The following PTGDR variants were observed in gnomAD, a reference collection of about 807,000 sequenced individuals.
PTGDR encodes the protein PGD2 receptor.
In PTGDR, 19 loss-of-function variants were observed where a neutral mutation model predicts 17.4. The ratio of observed to expected loss-of-function variants is 1.09; its 90% confidence interval spans 0.76 to 1.60. The LOEUF (loss-of-function observed/expected upper bound fraction) is 1.60, where lower values mean the gene tolerates loss of function less well. Among genes scored for constraint, PTGDR ranks in the 40% most tolerant of loss-of-function variants. PTGDR has a pLI of 0.00. For missense variants in PTGDR, 526 were observed against 481.9 expected, an observed-to-expected ratio of 1.09 and a Z score of -0.86; for synonymous variants, 267 against 224.2, an observed-to-expected ratio of 1.19 and a Z score of -1.71.
intron 1 of PTGDR, chr14:52,269,548 G>A: frequency 6.6e-7 from 1 of 1,524,362 alleles, no homozygotes; most frequent in Non-Finnish European, 8.8e-7. Context: ...CAAGGTACCT[G>A]TTCAACAAAA....
At position 52,268,519 on chromosome 14, in the gene PTGDR, C is replaced by T. The variant is rs762370741; in HGVS notation, c.705C>T (p.His235=). The T allele has an allele frequency of 1.6e-5, 25 of 1,611,676 alleles. No individual in the cohort carries two copies. The highest frequency in any genetic ancestry group is 1.9e-5 in the Non-Finnish European group (22 of 1,179,698). ...LYAMHRRLQR[H]PRSCTRDCAE... ...CGATGCACCGGCGGCTGCAGCGGCACCCGCGCTCCTGCACCAGGGACTGTG... is the reference window on the plus strand; with the variant it reads ...CGATGCACCGGCGGCTGCAGCGGCATCCGCGCTCCTGCACCAGGGACTGTG... Residue 235 remains histidine, a synonymous_variant, in exon 1 of 2, where the codon CAC becomes CAT. Transcript: ENST00000306051.
At chr14:52,271,645 T>G (rs1205398611) in intron 1 of PTGDR, among the ~76,000 whole-genome samples, 1 of 152,232 alleles carries the variant, frequency 6.6e-6, no homozygotes, top group Non-Finnish European at 1.5e-5. Flanking sequence ...AATTCACGTG[T>G]GTACCCTCAA....
rs779949167 is a variant in PTGDR, at chr14:52,275,857, G to A, written c.*893G>A. On this transcript the variant is annotated 3_prime_UTR_variant, in exon 2 of 2. Transcript: ENST00000306051. ...GACTCACTGTAGAGCCATGTTTACT[G>A]TTTGACTGTGTGGCACAGGGGGGCA... 1.3e-5 allele frequency: 2 copies of A among 152,578 alleles called. No individual in the cohort carries two copies. The highest frequency in any genetic ancestry group is 2.4e-5 in the African/African-American group (1 of 41,414). The allele number at this position is 152,578 out of a possible 1,614,324, so 9.5% of individuals were successfully genotyped here. A position where few individuals can be genotyped will look rare whatever the true frequency, so the allele number is the denominator to read the frequency against.
chr14:52,272,865 T>C (rs1431543244), intron 1 of PTGDR, among the ~76,000 whole-genome samples: 1 of 152,158 alleles, frequency 6.6e-6, no homozygotes, highest in Non-Finnish European at 1.5e-5. Context: ...TTAAATAGCT[T>C]GTACTTATCT....
At chr14:52,268,718 G>T in intron 1 of PTGDR, 58 bp downstream of exon 1, 1 of 1,498,924 alleles carries the variant, frequency 6.7e-7, no homozygotes, top group Non-Finnish European at 9.0e-7. Flanking sequence ...GCGGATGCGG[G>T]GCGGGAAGGG....
Position 52,274,856 on chromosome 14 carries a change from C to T in PTGDR, c.972C>T (p.Ile324=), listed in dbSNP as rs199684894. The change falls in exon 2 of 2, where the codon ATC becomes ATT. Residue 324 remains isoleucine (I), a synonymous_variant. Transcript: ENST00000306051. ...CAATTGTGGACCCTTGGATTTTTATCATTTTCAGATCTCCAGTATTTCGGA... is the reference window on the plus strand; with the variant it reads ...CAATTGTGGACCCTTGGATTTTTATTATTTTCAGATCTCCAGTATTTCGGA... ...VISIVDPWIF[I]IFRSPVFRIF... is the part of the protein sequence containing the mutation. 6.2e-7 allele frequency: 1 copy of T among 1,609,490 alleles called. No homozygotes were observed. The highest frequency in any genetic ancestry group is 8.5e-7 in the Non-Finnish European group (1 of 1,175,814).
intron 1 of PTGDR, chr14:52,269,623 G>C: frequency 2.6e-6 from 3 of 1,134,394 alleles, no homozygotes; most frequent in Non-Finnish European, 2.5e-6. Context: ...TCTGTGAATA[G>C]GAAAGTTGTT....
chr14:52,280,329 A>T (rs2033473638), downstream of PTGDR, among the ~76,000 whole-genome samples: 1 of 152,208 alleles, frequency 6.6e-6, no homozygotes, highest in Non-Finnish European at 1.5e-5. Context: ...GATGAAAAAG[A>T]TAAAGTACAA....
chr14:52,268,046 C>T lies in PTGDR; in HGVS notation c.232C>T (p.Leu78Phe). 1 of 1,612,262 alleles carries T rather than the reference C, an allele frequency of 6.2e-7. No homozygotes were observed. Among genetic ancestry groups the T allele is most frequent in the Non-Finnish European group, 8.5e-7 (1 of 1,180,040 alleles). Reference sequence around the variant, plus strand: ...GGTCACCGACTTGCTGGGCAAGTGCCTCCTAAGCCCGGTGGTGCTGGCTGC... The same window carrying T: ...GGTCACCGACTTGCTGGGCAAGTGCTTCCTAAGCCCGGTGGTGCTGGCTGC... ...LTVTDLLGKCLLSPVVLAAYA... is the reference protein window; with the variant it reads ...LTVTDLLGKCFLSPVVLAAYA... Residue 78 changes from leucine to phenylalanine, a missense_variant, in exon 1 of 2, where the codon CTC becomes TTC. By Grantham distance (22) the Leu-to-Phe change is conservative. Transcript: ENST00000306051.
rs200966868 is a variant in PTGDR at position 52,268,273 on chromosome 14, C to T, written c.459C>T (p.Ala153=). 6.2e-7 allele frequency: 1 copy of T among 1,613,992 alleles called. No homozygotes were observed. Among genetic ancestry groups the T allele is most frequent in the Non-Finnish European group, 8.5e-7 (1 of 1,180,040 alleles). ...HITLRLGALV[A]PVVSAFSLAF... ...CCCTGCGCCTGGGCGCACTGGTGGCCCCGGTGGTGAGCGCCTTCTCCCTGG... is the reference window on the plus strand; with the variant it reads ...CCCTGCGCCTGGGCGCACTGGTGGCTCCGGTGGTGAGCGCCTTCTCCCTGG... The change falls in exon 1 of 2, where the codon GCC becomes GCT. Residue 153 remains alanine (A), a synonymous_variant. Coordinates refer to ENST00000306051, the MANE Select transcript of PTGDR (RefSeq NM_000953.3).
At position 52,268,644 on chromosome 14, in the gene PTGDR, G is replaced by T. The variant is rs781353196; in HGVS notation, c.830G>T (p.Cys277Phe). ...LALMTVLFTM[C>F]SLPVIYRAYY... is the part of the protein sequence containing the mutation. ...CTGATGACCGTGCTCTTCACTATGT[G>T]TTCTCTGCCCGTAATTGTGAGTCCC... Residue 277 changes from cysteine to phenylalanine, a missense_variant, in exon 1 of 2, where the codon TGT becomes TTT. Physicochemically the swap from Cys to Phe is radical, Grantham distance 205. Coordinates refer to ENST00000306051, the MANE Select transcript of PTGDR (RefSeq NM_000953.3). The T allele has an allele frequency of 6.3e-7, 1 of 1,579,080 alleles. No homozygotes were observed. Among genetic ancestry groups the T allele is most frequent in the Non-Finnish European group, 8.6e-7 (1 of 1,162,024 alleles).
At chr14:52,273,834 T>A (rs926839407) in intron 1 of PTGDR, among the ~76,000 whole-genome samples, 2 of 152,160 alleles carry the variant, frequency 1.3e-5, no homozygotes, top group African/African-American at 2.4e-5. Context: ...ATTGTAGGCA[T>A]AGAGAATGTA....
chr14:52,268,063 G>A lies in PTGDR; in HGVS notation c.249G>A (p.Val83=), dbSNP rs750532466. Residue 83 remains valine, a synonymous_variant, in exon 1 of 2, where the codon GTG becomes GTA. Transcript: ENST00000306051. Reference sequence around the variant, plus strand: ...GCAAGTGCCTCCTAAGCCCGGTGGTGCTGGCTGCCTACGCTCAGAACCGGA... The same window carrying A: ...GCAAGTGCCTCCTAAGCCCGGTGGTACTGGCTGCCTACGCTCAGAACCGGA... ...LLGKCLLSPV[V]LAAYAQNRSL... 3.1e-6 allele frequency: 5 copies of A among 1,612,938 alleles called. No homozygotes were observed. The Admixed American group carries it at 8.3e-5, about 27-fold the overall frequency.
chr14:52,276,795 C>T (rs978450330), downstream of PTGDR: 1 of 152,018 alleles, frequency 6.6e-6, no homozygotes, highest in African/African-American at 2.4e-5. Flanking sequence ...AGACAGTTGC[C>T]AGCAATATTT....
At chr14:52,276,929 A>T (rs1189530175), downstream of PTGDR, among the ~76,000 whole-genome samples, 1 of 152,186 alleles carries the variant, frequency 6.6e-6, no homozygotes, top group African/African-American at 2.4e-5. Context: ...AAACAAGCTT[A>T]GGTAAGTCCT....
At chr14:52,272,742 G>A (rs41312470) in intron 1 of PTGDR, among the ~76,000 whole-genome samples, 33,060 of 151,924 alleles carry the variant, frequency 0.22, 3,927 homozygotes, top group Middle Eastern at 0.33. Context: ...TGTCCCTTAC[G>A]GGCCTCCAAC....
chr14:52,278,468 G>C (rs980016320), downstream of PTGDR, among the ~76,000 whole-genome samples: 3 of 152,216 alleles, frequency 2.0e-5, no homozygotes, highest in East Asian at 3.9e-4. Flanking sequence ...GGACTGTTGT[G>C]GGGTGGGGGG....
At chr14:52,272,375 G>A (rs1438233830) in intron 1 of PTGDR, among the ~76,000 whole-genome samples, 1 of 152,102 alleles carries the variant, frequency 6.6e-6, no homozygotes, top group African/African-American at 2.4e-5. Context: ...GCTGAGGTGG[G>A]AGGATTGCTT....
At chr14:52,273,895 T>C (rs2033368821) in intron 1 of PTGDR, among the ~76,000 whole-genome samples, 1 of 151,992 alleles carries the variant, frequency 6.6e-6, no homozygotes, top group South Asian at 2.1e-4. Flanking sequence ...AAAGCAATGG[T>C]TGTGCTGATC....
Sources: allele counts gnomAD v4.1 joint callset (sites outside exome capture counted in the v4.1 genomes callset), GRCh38; gene constraint gnomAD v4.1.1; transcripts MANE v1.5; gene names NCBI Gene and HGNC (gene_info 2026-07-23, HGNC 2026-07-21).